Variants in MSRA observed in about 807,000 individuals in gnomAD.
MSRA encodes the protein mitochondrial peptide methionine sulfoxide reductase.
Under a neutral mutation model 31.3 loss-of-function variants are expected in MSRA, and 54 were observed. The observed-to-expected ratio is 1.73, with a 90% CI of 1.39 to 2.17. The LOEUF (loss-of-function observed/expected upper bound fraction) is 2.17. Ranked by LOEUF, MSRA falls within the 30% of genes most tolerant of loss-of-function variation. The pLI is 0.00. For synonymous variants in MSRA, 169 were observed against 116.5 expected (o/e 1.45, Z -2.90); for missense variants, 507 against 300.9 (o/e 1.69, Z -5.07).
At chr8:10,191,800 T>A (rs530458285) in intron 1 of MSRA, among the ~76,000 whole-genome samples, 3 of 152,134 alleles carry the variant, frequency 2.0e-5, no homozygotes, top group East Asian at 3.9e-4. Flanking sequence ...TGGAAAAAAA[T>A]TGCATTATTT....
At chr8:10,180,624 C>T (rs1806456771) in intron 1 of MSRA, among the ~76,000 whole-genome samples, 1 of 152,150 alleles carries the variant, frequency 6.6e-6, no homozygotes, top group African/African-American at 2.4e-5. Flanking sequence ...AAGATGCTCC[C>T]CTTACCCCCA....
At chr8:10,105,674 A>G (rs1460654095) in intron 1 of MSRA, among the ~76,000 whole-genome samples, 1 of 152,150 alleles carries the variant, frequency 6.6e-6, no homozygotes, top group African/African-American at 2.4e-5. Flanking sequence ...TGCAATAAGC[A>G]CTTTCTCCTT....
chr8:10,143,579 C>T (rs962115593), intron 1 of MSRA, among the ~76,000 whole-genome samples: 1 of 152,084 alleles, frequency 6.6e-6, no homozygotes, highest in African/African-American at 2.4e-5. Flanking sequence ...GACATAAAAC[C>T]CCGGGTCGCT....
intron 1 of MSRA, among the ~76,000 whole-genome samples, chr8:10,143,715 C>T (rs767902731): frequency 2.6e-5 from 4 of 152,148 alleles, no homozygotes; most frequent in African/African-American, 7.2e-5. Flanking sequence ...AGCAAGAGGG[C>T]CACTTTCGTT....
intron 5 of MSRA, among the ~76,000 whole-genome samples, chr8:10,342,185 C>T (rs989852544): frequency 6.6e-6 from 1 of 152,180 alleles, no homozygotes; most frequent in Non-Finnish European, 1.5e-5. Flanking sequence ...CATTTGTTTC[C>T]ATGGGTCTCA....
At chr8:10,341,969 T>C (rs1455933449) in intron 5 of MSRA, among the ~76,000 whole-genome samples, 2 of 152,210 alleles carry the variant, frequency 1.3e-5, no homozygotes, top group East Asian at 1.9e-4. Flanking sequence ...GTGCCTCTTG[T>C]GTGCTAGGCT....
chr8:10,084,514 T>C (rs1333161247), intron 1 of MSRA, among the ~76,000 whole-genome samples: 1 of 152,208 alleles, frequency 6.6e-6, no homozygotes, highest in Admixed American at 6.5e-5. Flanking sequence ...AGCGGGTGGG[T>C]ATACAAACTG....
intron 5 of MSRA, among the ~76,000 whole-genome samples, chr8:10,396,859 T>G (rs1198403598): frequency 6.6e-6 from 1 of 152,202 alleles, no homozygotes; most frequent in African/African-American, 2.4e-5. Flanking sequence ...GAGTAAAGCC[T>G]TCCCTGAGCC....
chr8:10,428,278 C>G lies in MSRA; in HGVS notation c.674C>G (p.Thr225Ser). Reference protein sequence around the residue: ...NPNGYCGLGGTGVSCPVGIKK With the variant: ...NPNGYCGLGGSGVSCPVGIKK ...AATGGCTACTGCGGCCTTGGGGGCACCGGCGTGTCCTGCCCAGTGGGTATT... is the reference window on the plus strand; with the variant it reads ...AATGGCTACTGCGGCCTTGGGGGCAGCGGCGTGTCCTGCCCAGTGGGTATT... Residue 225 changes from threonine to serine, a missense_variant, in exon 6 of 6, where the codon ACC becomes AGC. Thr to Ser is a moderately conservative substitution (Grantham distance 58). Coordinates refer to ENST00000317173, the MANE Select transcript of MSRA (RefSeq NM_012331.5). 1 of 1,613,994 alleles carries G rather than the reference C, an allele frequency of 6.2e-7. No homozygotes were observed. Among genetic ancestry groups the G allele is most frequent in the Non-Finnish European group, 8.5e-7 (1 of 1,180,006 alleles).
At chr8:10,158,599 G>A (rs986956309) in intron 1 of MSRA, among the ~76,000 whole-genome samples, 1 of 152,206 alleles carries the variant, frequency 6.6e-6, no homozygotes. Context: ...ATCCATAATT[G>A]TATGGAGACA....
chr8:10,363,094 T>A (rs1189074711), intron 5 of MSRA, among the ~76,000 whole-genome samples: 2 of 152,172 alleles, frequency 1.3e-5, no homozygotes, highest in Non-Finnish European at 2.9e-5. Flanking sequence ...AGCAAAACAT[T>A]TTCCCCCCAG....
chr8:10,305,379 A>G (rs1250399317), intron 4 of MSRA, among the ~76,000 whole-genome samples: 1 of 149,114 alleles, frequency 6.7e-6, no homozygotes, highest in Non-Finnish European at 1.5e-5. Context: ...CCTAATGGAC[A>G]TCTAGATGAA....
At position 10,291,756 on chromosome 8, in the gene MSRA, G is replaced by A. The variant is rs1013676012; in HGVS notation, c.332-9778G>A. On this transcript the variant is annotated intron_variant, in intron 3 of 5. Coordinates refer to ENST00000317173, the MANE Select transcript of MSRA (RefSeq NM_012331.5). ...GGTTTGGATAAGTCTGGCTGGCAGG[G>A]AAAGGATGAGGGAGGTTGAAGAATG... 3.9e-5 allele frequency among the ~76,000 whole-genome samples: 6 copies of A among 152,058 alleles called. No homozygotes were observed. The East Asian group carries it at 5.8e-4, about 15-fold the overall frequency.
At chr8:10,263,396 C>G (rs1798579827) in intron 3 of MSRA, among the ~76,000 whole-genome samples, 1 of 152,176 alleles carries the variant, frequency 6.6e-6, no homozygotes, top group Admixed American at 6.5e-5. Flanking sequence ...GACTTGAGTT[C>G]TACCATGATA....
intron 3 of MSRA, among the ~76,000 whole-genome samples, chr8:10,247,966 GA>G (rs1220356818): frequency 2.0e-5 from 3 of 152,126 alleles, no homozygotes; most frequent in Admixed American, 6.5e-5. Context: ...TGACCAAGGA[GA>G]GGGGTGGGGG....
chr8:10,162,558 G>A (rs1357014527), intron 1 of MSRA, among the ~76,000 whole-genome samples: 7 of 152,256 alleles, frequency 4.6e-5, no homozygotes, highest in African/African-American at 1.2e-4. Flanking sequence ...ACTGGCGGCC[G>A]TCAGTGGGGG....
chr8:10,397,311 A>T (rs1050146286), intron 5 of MSRA, among the ~76,000 whole-genome samples: 6 of 152,124 alleles, frequency 3.9e-5, no homozygotes, highest in African/African-American at 1.4e-4. Context: ...CTTAGTATTG[A>T]CCCTGGTACT....
chr8:10,070,316 G>C (rs1359558965), intron 1 of MSRA, among the ~76,000 whole-genome samples: 1 of 152,182 alleles, frequency 6.6e-6, no homozygotes, highest in Admixed American at 6.5e-5. Context: ...GAGTCACCTA[G>C]TCACATTTGA....
chr8:10,297,176 A>C (rs1800590612), intron 3 of MSRA, among the ~76,000 whole-genome samples: 1 of 152,084 alleles, frequency 6.6e-6, no homozygotes, highest in African/African-American at 2.4e-5. Context: ...GCCCCAGGTC[A>C]TGCTTGTATG....
Sources: gnomAD v4.1 joint callset for allele counts (sites outside exome capture counted in the v4.1 genomes callset) on GRCh38, gnomAD v4.1.1 for gene constraint, MANE v1.5 for transcripts, NCBI Gene and HGNC (gene_info 2026-07-23, HGNC 2026-07-21) for gene names.